The following DTNB variants were observed in gnomAD, a reference collection of about 807,000 sequenced individuals.
DTNB encodes dystrobrevin beta.
DTNB carries 63 observed loss-of-function variants against 90.7 expected under a neutral mutation model. The ratio of observed to expected loss-of-function variants is 0.69; its 90% CI spans 0.57 to 0.86. DTNB has a LOEUF of 0.86. Among genes scored for constraint, DTNB ranks in the 40% least tolerant of loss-of-function variants. The pLI, the probability that DTNB is intolerant of heterozygous loss-of-function variation, is 0.00. For synonymous variants in DTNB, 277 were observed against 286.7 expected, an observed-to-expected ratio of 0.97 and a Z score of 0.34; for missense variants, 744 against 807.1, an observed-to-expected ratio of 0.92 and a Z score of 0.95.
At chr2:25,669,113 G>A (rs2085208568) in intron 1 of DTNB, among the ~76,000 whole-genome samples, 1 of 152,168 alleles carries the variant, frequency 6.6e-6, no homozygotes, top group East Asian at 1.9e-4. Context: ...GTTGCCAGGC[G>A]CTGAGGGAAG....
chr2:25,389,988 T>TA (rs1346785011), intron 16 of DTNB, among the ~76,000 whole-genome samples: 1 of 152,170 alleles, frequency 6.6e-6, no homozygotes, highest in Non-Finnish European at 1.5e-5. Context: ...TATTTCAACC[T>TA]AAAAATATTG....
Position 25,416,841 on chromosome 2 carries a change from G to A in DTNB, c.1575+2674C>T, listed in dbSNP as rs183155747. Among the ~76,000 whole-genome samples, 1,289 of 151,268 alleles carry A rather than the reference G, an allele frequency of 8.5e-3. 8 individuals are homozygous for A. Among genetic ancestry groups the A allele is most frequent in the Admixed American group, 0.012 (188 of 15,218 alleles). On this transcript the variant is annotated intron_variant, in intron 16 of 20. Coordinates refer to ENST00000406818, the MANE Select transcript of DTNB (RefSeq NM_021907.5). ...GGAAGGAAGGAAGGAAGGAAGGAAG[G>A]AAGGAAGGGTGGTTGGGTTAGGGTT...
At position 25,558,229 on chromosome 2, in the gene DTNB, C is replaced by A. The variant is rs114766349; in HGVS notation, c.876+18609G>T. ...AAATTTATTTAGAGAAAGAGTTCAA[C>A]CCTAAATCTGTACCTGTAGATCTCA... On this transcript the variant is annotated intron_variant, in intron 8 of 20. Coordinates refer to ENST00000406818, the MANE Select transcript of DTNB (RefSeq NM_021907.5). The A allele has an allele frequency of 1.6e-3, 1,551 of 985,368 alleles. 20 individuals carry two copies. The African/African-American group carries it at 0.022, about 14-fold the overall frequency. The allele number at this position is 985,368 out of a possible 1,614,324, so 61.0% of individuals were successfully genotyped here. A position where few individuals can be genotyped will look rare whatever the true frequency, so the allele number is the denominator to read the frequency against.
chr2:25,530,433 T>C (rs1443231148), intron 9 of DTNB, among the ~76,000 whole-genome samples: 1 of 152,056 alleles, frequency 6.6e-6, no homozygotes, highest in Non-Finnish European at 1.5e-5. Context: ...CGAGACCCTG[T>C]CTCAAAAAAT....
chr2:25,555,145 G>C (rs1360753846), intron 8 of DTNB, among the ~76,000 whole-genome samples: 1 of 151,938 alleles, frequency 6.6e-6, no homozygotes, highest in African/African-American at 2.4e-5. Context: ...AAATAAATTA[G>C]CTGGGTGTGG....
Position 25,432,896 on chromosome 2 carries a change from G to A in DTNB, c.1447C>T (p.Arg483Trp), listed in dbSNP as rs775376673. The change falls in exon 14 of 21, where the codon CGG (arginine) becomes TGG (tryptophan). Residue 483 changes from arginine (R) to tryptophan (W), a missense_variant. Arg to Trp is a moderately radical substitution (Grantham distance 101). Coordinates refer to ENST00000406818, the MANE Select transcript of DTNB (RefSeq NM_021907.5). ...AGTGTCCCTACTCACCTCAGCAGCC[G>A]CAGCTCTGCCAGCAGCGTGGGGTTC... Reference protein sequence around the residue: ...QQNPTLLAELRLLRQRKDELE... With the variant: ...QQNPTLLAELWLLRQRKDELE... 6 of 1,603,076 alleles carry A rather than the reference G, an allele frequency of 3.7e-6. No individual in the cohort carries two copies. The highest frequency in any genetic ancestry group is 2.2e-5 in the East Asian group (1 of 44,742).
chr2:25,444,804 G>C (rs1272751907), intron 12 of DTNB, among the ~76,000 whole-genome samples: 8 of 152,144 alleles, frequency 5.3e-5, no homozygotes, highest in African/African-American at 1.7e-4. Context: ...AAATTCTTTC[G>C]AGCACTACAC....
At chr2:25,626,745 A>G (rs1194173318) in intron 4 of DTNB, among the ~76,000 whole-genome samples, 1 of 152,232 alleles carries the variant, frequency 6.6e-6, no homozygotes, top group African/African-American at 2.4e-5. Flanking sequence ...TAATTCACAG[A>G]CTCCTCCCTA....
intron 12 of DTNB, among the ~76,000 whole-genome samples, chr2:25,438,172 C>T (rs868695802): frequency 6.8e-4 from 104 of 152,054 alleles, no homozygotes; most frequent in African/African-American, 2.4e-3. Context: ...GTGGTAAGAG[C>T]GAGGCACGGG....
chr2:25,483,934 A>G (rs1021898290), intron 9 of DTNB, among the ~76,000 whole-genome samples: 1 of 152,238 alleles, frequency 6.6e-6, no homozygotes, highest in Non-Finnish European at 1.5e-5. Context: ...ATGTTTAGAT[A>G]CATAAATACC....
intron 9 of DTNB, 62 bp downstream of exon 9, chr2:25,531,411 C>T: frequency 5.1e-6 from 8 of 1,561,114 alleles, no homozygotes; most frequent in Non-Finnish European, 6.9e-6. Context: ...TTTTGATCCA[C>T]AGGAATTTCA....
chr2:25,388,502 G>GCCTAACTCCTTCCT, intron 16 of DTNB, 141 bp from the exon 17 acceptor site: 5 of 1,179,882 alleles, frequency 4.2e-6, no homozygotes, highest in Non-Finnish European at 5.7e-6. Flanking sequence ...AAAGGAAGGA[G>GCCTAACTCCTTCCT]TTAGGCTGCT....
intron 8 of DTNB, among the ~76,000 whole-genome samples, chr2:25,573,167 A>C (rs1038103638): frequency 1.3e-5 from 2 of 152,064 alleles, no homozygotes; most frequent in Non-Finnish European, 2.9e-5. Context: ...GGCTGGTCTC[A>C]AACTCCTGAC....
chr2:25,502,910 A>G lies in DTNB; in HGVS notation c.1002-20037T>C, dbSNP rs1371528556. Among the ~76,000 whole-genome samples, 5 of 146,202 alleles carry G rather than the reference A, an allele frequency of 3.4e-5. No homozygotes were observed. The South Asian group carries it at 8.8e-4, about 26-fold the overall frequency. ...AAAAAAAAAAAAAAAAAAAATCAGC[A>G]GGGTGTGGTGGCATGAGCCTATGGT... On this transcript the variant is annotated intron_variant, in intron 9 of 20. Coordinates refer to ENST00000406818, the MANE Select transcript of DTNB (RefSeq NM_021907.5).
At chr2:25,489,857 G>A (rs1279385431) in intron 9 of DTNB, among the ~76,000 whole-genome samples, 1 of 152,180 alleles carries the variant, frequency 6.6e-6, no homozygotes, top group East Asian at 1.9e-4. Flanking sequence ...AAAATTAAAT[G>A]CCTTAATACA....
intron 12 of DTNB, among the ~76,000 whole-genome samples, chr2:25,444,097 T>A (rs1237579531): frequency 6.6e-6 from 1 of 152,212 alleles, no homozygotes; most frequent in African/African-American, 2.4e-5. Flanking sequence ...TAATGAATTT[T>A]AAATTTTTTT....
chr2:25,508,813 C>T (rs1354018956), intron 9 of DTNB, among the ~76,000 whole-genome samples: 2 of 152,142 alleles, frequency 1.3e-5, no homozygotes, highest in African/African-American at 4.8e-5. Context: ...GGATTATAGG[C>T]GTGAGCCACT....
Position 25,427,518 on chromosome 2 carries a change from G to A in DTNB, c.1554+17C>T. On this transcript the variant is annotated intron_variant, in intron 15 of 20. Coordinates refer to ENST00000406818, the MANE Select transcript of DTNB (RefSeq NM_021907.5). The stretch of plus-strand genomic sequence containing the variant: ...GAGAAGAATGACAAGAACTGAGCGT[G>A]GGCCACGGGCTCTTACCTTCAGCAA... 1 of 1,612,486 alleles carries A rather than the reference G, an allele frequency of 6.2e-7. No individual in the cohort carries two copies.
At chr2:25,495,241 T>C (rs1490221950) in intron 9 of DTNB, among the ~76,000 whole-genome samples, 1 of 152,086 alleles carries the variant, frequency 6.6e-6, no homozygotes, top group Non-Finnish European at 1.5e-5. Context: ...ATTTCTGTAT[T>C]TTTCATAGAG....
Sources: allele counts gnomAD v4.1 joint callset (sites outside exome capture counted in the v4.1 genomes callset), GRCh38; gene constraint gnomAD v4.1.1; transcripts MANE v1.5; gene names NCBI Gene and HGNC (gene_info 2026-07-23, HGNC 2026-07-21).